CCDC201: variants seen among roughly 807,000 people sequenced by gnomAD.
CCDC201 encodes the protein coiled-coil domain-containing protein 201.
chr7:45,871,532 T>C (rs927341085), intron 1 of CCDC201, among the ~76,000 whole-genome samples: 5 of 152,146 alleles, frequency 3.3e-5, no homozygotes, highest in African/African-American at 1.2e-4. Context: ...TAAACTTATG[T>C]AAGGCTTTGC....
At chr7:45,869,066 C>T (rs2116522144) in intron 1 of CCDC201, among the ~76,000 whole-genome samples, 1 of 151,104 alleles carries the variant, frequency 6.6e-6, no homozygotes, top group East Asian at 1.9e-4. Flanking sequence ...TTGACGATTT[C>T]TCATGTCACT....
At chr7:45,861,114 GA>G in exon 3 of CCDC201, 1 of 152,170 alleles carries the variant, frequency 6.6e-6, no homozygotes, top group South Asian at 2.1e-4. Context: ...TTCATTCTTT[GA>G]AAAACGAGAT....
chr7:45,881,167 C>T, the CCDC201 span, among the ~76,000 whole-genome samples: 66 of 152,156 alleles, frequency 4.3e-4, 1 homozygote, highest in Middle Eastern at 3.4e-3. Context: ...ATATGGGTGG[C>T]GAAGATTCTT....
chr7:45,874,921 C>G (rs2116529396), upstream of CCDC201, among the ~76,000 whole-genome samples: 1 of 152,308 alleles, frequency 6.6e-6, no homozygotes, highest in East Asian at 1.9e-4. Context: ...AGGAGATAAT[C>G]AAACTGAGTC....
chr7:45,860,462 T>G (rs559200087), exon 3 of CCDC201: 3 of 152,336 alleles, frequency 2.0e-5, no homozygotes, highest in African/African-American at 7.2e-5. Context: ...GCATACACAG[T>G]GAGAGTTAAG....
the CCDC201 span, among the ~76,000 whole-genome samples, chr7:45,881,131 T>A: frequency 6.6e-6 from 1 of 152,154 alleles, no homozygotes. Flanking sequence ...GTAAGTGTCA[T>A]CTTCTACCAA....
the CCDC201 span, among the ~76,000 whole-genome samples, chr7:45,883,921 C>T: frequency 5.9e-5 from 9 of 152,212 alleles, no homozygotes; most frequent in South Asian, 6.2e-4. Context: ...GGTCCCCAGG[C>T]GCCGGCTCCC....
chr7:45,875,460 G>C (rs977536596), upstream of CCDC201, among the ~76,000 whole-genome samples: 1 of 128,894 alleles, frequency 7.8e-6, no homozygotes, highest in Admixed American at 7.6e-5. Context: ...AAAAAAAAAA[G>C]AACAAAATTA....
chr7:45,883,869 C>T, the CCDC201 span, among the ~76,000 whole-genome samples: 8 of 152,260 alleles, frequency 5.3e-5, no homozygotes, highest in African/African-American at 1.9e-4. Flanking sequence ...TCCTCAGCTT[C>T]TGGGTGTCTG....
At chr7:45,880,125 A>G in the CCDC201 span, among the ~76,000 whole-genome samples, 2 of 152,232 alleles carry the variant, frequency 1.3e-5, no homozygotes, top group South Asian at 4.1e-4. Context: ...TGCAAACATG[A>G]TAACGTCAAC....
chr7:45,875,252 T>C (rs1786787902), upstream of CCDC201, among the ~76,000 whole-genome samples: 1 of 152,096 alleles, frequency 6.6e-6, no homozygotes, highest in Non-Finnish European at 1.5e-5. Context: ...CCCAGCACTT[T>C]GGGAGGCTGA....
At chr7:45,873,394 A>AC (rs201614544), upstream of CCDC201, among the ~76,000 whole-genome samples, 2,784 of 151,538 alleles carry the variant, frequency 0.018, 36 homozygotes, top group Non-Finnish European at 0.03. Context: ...GAAAAAAAAA[A>AC]AAACACGTTT....
At chr7:45,861,044 A>G (rs1786593851) in exon 3 of CCDC201, 1 of 152,212 alleles carries the variant, frequency 6.6e-6, no homozygotes, top group African/African-American at 2.4e-5. Flanking sequence ...TCAAGGACAC[A>G]CTTCCCCAGA....
At chr7:45,871,059 T>C (rs978617843) in intron 1 of CCDC201, among the ~76,000 whole-genome samples, 2 of 152,254 alleles carry the variant, frequency 1.3e-5, no homozygotes, top group African/African-American at 4.8e-5. Flanking sequence ...AGTACTTAAA[T>C]GTTGATAATT....
upstream of CCDC201, among the ~76,000 whole-genome samples, chr7:45,876,937 C>A (rs1407997059): frequency 3.3e-5 from 5 of 152,218 alleles, no homozygotes; most frequent in African/African-American, 9.6e-5. Flanking sequence ...GTCCAAGCTG[C>A]CAGTTTGGGT....
At chr7:45,876,462 A>G (rs988592756), upstream of CCDC201, among the ~76,000 whole-genome samples, 7 of 152,112 alleles carry the variant, frequency 4.6e-5, no homozygotes, top group African/African-American at 1.4e-4. Flanking sequence ...ACCCCATCTC[A>G]TGTCCCAAAA....
At chr7:45,869,052 A>T (rs750226143) in intron 1 of CCDC201, among the ~76,000 whole-genome samples, 2 of 152,216 alleles carry the variant, frequency 1.3e-5, no homozygotes, top group African/African-American at 2.4e-5. Context: ...AGTTTTCCAC[A>T]TCCTTGACGA....
chr7:45,879,137 A>G, the CCDC201 span, among the ~76,000 whole-genome samples: 2 of 152,214 alleles, frequency 1.3e-5, no homozygotes, highest in Non-Finnish European at 2.9e-5. Context: ...ATTCCAAATA[A>G]GTTCCTCATC....
At chr7:45,882,298 G>A in the CCDC201 span, among the ~76,000 whole-genome samples, 1 of 152,188 alleles carries the variant, frequency 6.6e-6, no homozygotes, top group East Asian at 1.9e-4. Context: ...TCTGCCGTTG[G>A]CAGGAACGAG....
Sources: gnomAD v4.1 joint callset for allele counts (sites outside exome capture counted in the v4.1 genomes callset) on GRCh38, gnomAD v4.1.1 for gene constraint, MANE v1.5 for transcripts, NCBI Gene and HGNC (gene_info 2026-07-23, HGNC 2026-07-21) for gene names.